RNF43: variants seen among roughly 807,000 people sequenced by gnomAD.
RNF43 encodes the protein ring finger protein 43.
A neutral mutation model predicts 78.4 loss-of-function variants in RNF43; 37 were observed. The ratio of observed to expected loss-of-function variants is 0.47; its 90% confidence interval spans 0.36 to 0.62. The LOEUF is 0.62. Among genes scored for constraint, RNF43 ranks in the 20% least tolerant of loss-of-function variants. The pLI, the probability that RNF43 is intolerant of heterozygous loss-of-function variation, is 0.00. For missense variants in RNF43, 774 were observed against 1,007.9 expected (o/e 0.77, Z 3.14); for synonymous variants, 347 against 395.0 (o/e 0.88, Z 1.44).
At chr17:58,402,032 C>G (rs943280823) in intron 2 of RNF43, among the ~76,000 whole-genome samples, 1 of 152,152 alleles carries the variant, frequency 6.6e-6, no homozygotes, top group South Asian at 2.1e-4. Flanking sequence ...TAAAAAACTA[C>G]AGCATGTTTG....
In RNF43 at chr17:58,358,387, G is replaced by A. The variant is rs2143413905; in HGVS notation, c.1389C>T (p.Ala463=). 1 of 1,614,136 alleles carries A rather than the reference G, an allele frequency of 6.2e-7. No individual in the cohort carries two copies. Among genetic ancestry groups the A allele is most frequent in the South Asian group, 1.1e-5 (1 of 91,090 alleles). The part of the protein sequence containing the change: ...ERSGYLADGP[A]SDSSSGPCHG... ...GACAGGGCCCTGAGCTGGAGTCACT[G>A]GCTGGCCCATCTGCCAGGTACCCAC... is the stretch of plus-strand genomic sequence containing the variant. Residue 463 remains alanine, a synonymous_variant, in exon 9 of 10, where the codon GCC becomes GCT. Coordinates refer to ENST00000407977, the MANE Select transcript of RNF43 (RefSeq NM_017763.6). The surrounding 1 kb of genome is among the most constrained non-coding windows in gnomAD (Gnocchi z 6.2).
At chr17:58,353,478 C>G (rs1280517783), downstream of RNF43, 68 of 200,718 alleles carry the variant, frequency 3.4e-4, 1 homozygote, top group Admixed American at 4.1e-3. Flanking sequence ...TTCTCCTTCC[C>G]TGATCTCACT....
In RNF43 at chr17:58,415,439, T is replaced by C. The variant is rs3744093; in HGVS notation, c.139A>G (p.Ile47Val). 0.39 allele frequency: 623,017 copies of C among 1,613,924 alleles called. 123,253 individuals carry two copies. Among genetic ancestry groups the C allele is most frequent in the Admixed American group, 0.53 (31,923 of 60,004 alleles). Residue 47 changes from isoleucine to valine, a missense_variant, in exon 2 of 10, where the codon ATT becomes GTT. Transcript: ENST00000407977. ...ESERSAEQKA[I>V]IRVIPLKMDP... is the part of the protein sequence containing the mutation. The stretch of plus-strand genomic sequence containing the variant: ...ATTTTCAAGGGGATCACTCTGATAA[T>C]AGCTTTCTGTTCTGCTGATCTTTCA...
At chr17:58,412,290 T>C (rs552920959) in intron 2 of RNF43, among the ~76,000 whole-genome samples, 23 of 152,220 alleles carry the variant, frequency 1.5e-4, no homozygotes, top group African/African-American at 4.8e-4. Flanking sequence ...GAAGCAACTC[T>C]TGGGGAAAAT....
At chr17:58,389,248 G>A (rs1302537965) in intron 2 of RNF43, among the ~76,000 whole-genome samples, 1 of 152,146 alleles carries the variant, frequency 6.6e-6, no homozygotes, top group Non-Finnish European at 1.5e-5. Flanking sequence ...AGTGTTGAAA[G>A]TACTTGACAG....
rs1271568451 is a variant in RNF43 at position 58,357,260 on chromosome 17, A to G, written c.2308+208T>C. 5.4e-6 allele frequency: 4 copies of G among 746,112 alleles called. No homozygotes were observed. The highest frequency in any genetic ancestry group is 9.4e-6 in the Non-Finnish European group (4 of 424,102). 46.2% of individuals were successfully genotyped at this position (746,112 alleles called of 1,614,324 possible). A position where few individuals can be genotyped will look rare whatever the true frequency, so the allele number is the denominator to read the frequency against. ...CCTGGGACCTCCCTGTGATCTGCCAACTAAAGGGGTAGCACCTGGCAGAGG... is the reference window on the plus strand; with the variant it reads ...CCTGGGACCTCCCTGTGATCTGCCAGCTAAAGGGGTAGCACCTGGCAGAGG... On this transcript the variant is annotated intron_variant, in intron 9 of 9. Transcript: ENST00000407977. This position sits in a 1 kb window ranked among gnomAD's most constrained non-coding sequence, Gnocchi z 4.5.
chr17:58,395,902 A>G (rs950036083), intron 2 of RNF43, among the ~76,000 whole-genome samples: 1 of 152,166 alleles, frequency 6.6e-6, no homozygotes, highest in Non-Finnish European at 1.5e-5. Flanking sequence ...TGTCTCTAAA[A>G]TCTAAGCCTT....
chr17:58,388,990 A>G lies in RNF43; in HGVS notation c.253-17957T>C, dbSNP rs28360909. On this transcript the variant is annotated intron_variant, in intron 2 of 9. Coordinates refer to ENST00000407977, the MANE Select transcript of RNF43 (RefSeq NM_017763.6). ...ACAAAGGCTACTGCATGCCAAGATG[A>G]GAGTTAGAGCTTGCTCTCATATGCA... Among the ~76,000 whole-genome samples the G allele has an allele frequency of 1.2e-3, 187 of 152,338 alleles. 1 individual carries two copies. The highest frequency in any genetic ancestry group is 4.4e-3 in the African/African-American group (185 of 41,578).
At chr17:58,367,341 C>T (rs955602824) in intron 3 of RNF43, among the ~76,000 whole-genome samples, 1 of 152,058 alleles carries the variant, frequency 6.6e-6, no homozygotes, top group African/African-American at 2.4e-5. Context: ...GTGTTTCCGA[C>T]ATGTGATTTC....
intron 8 of RNF43, among the ~76,000 whole-genome samples, chr17:58,359,643 C>G (rs1972786242): frequency 1.4e-5 from 2 of 146,918 alleles, no homozygotes; most frequent in African/African-American, 5.0e-5. Context: ...AAGATATCTA[C>G]ATGCCAGGCA....
intron 2 of RNF43, among the ~76,000 whole-genome samples, chr17:58,381,786 ACT>A (rs1284697449): frequency 1.3e-5 from 2 of 152,222 alleles, no homozygotes; most frequent in Non-Finnish European, 2.9e-5. Flanking sequence ...GCAGAAAAAC[ACT>A]GTCTTAGCTC....
At chr17:58,394,051 G>A (rs116035062) in intron 2 of RNF43, among the ~76,000 whole-genome samples, 8 of 152,280 alleles carry the variant, frequency 5.3e-5, no homozygotes, top group African/African-American at 9.6e-5. Context: ...GCGAAACTCC[G>A]TCTCCAAAAG....
At chr17:58,404,446 T>C (rs1001409892) in intron 2 of RNF43, among the ~76,000 whole-genome samples, 2 of 152,228 alleles carry the variant, frequency 1.3e-5, no homozygotes, top group African/African-American at 4.8e-5. Flanking sequence ...GGACTTTTCA[T>C]ATACCCCAAG....
intron 5 of RNF43, 159 bp downstream of exon 5, chr17:58,363,116 G>T: frequency 1.2e-6 from 1 of 863,708 alleles, no homozygotes; most frequent in Non-Finnish European, 1.8e-6. Context: ...AAAGACGGGG[G>T]AAAACTTGCC....
chr17:58,352,552 GTT>G, downstream of RNF43: 1 of 218,046 alleles, frequency 4.6e-6, no homozygotes, highest in Non-Finnish European at 9.2e-6. Context: ...CCCGAAGTTT[GTT>G]TTTTTTTGTT....
intron 2 of RNF43, among the ~76,000 whole-genome samples, chr17:58,397,406 A>G (rs951310845): frequency 6.6e-6 from 1 of 152,244 alleles, no homozygotes; most frequent in Non-Finnish European, 1.5e-5. Context: ...CATGCCTGTA[A>G]TCCCAGCACT....
At chr17:58,411,048 T>C (rs760898846) in intron 2 of RNF43, among the ~76,000 whole-genome samples, 2 of 152,204 alleles carry the variant, frequency 1.3e-5, no homozygotes, top group Non-Finnish European at 2.9e-5. Flanking sequence ...GATATTAACA[T>C]TTTAATCCTC....
intron 2 of RNF43, among the ~76,000 whole-genome samples, chr17:58,405,749 A>AGAAAGAAAGAAG (rs1973897789): frequency 6.6e-6 from 1 of 151,922 alleles, no homozygotes; most frequent in African/African-American, 2.4e-5. Context: ...AAAGAAAGAA[A>AGAAAGAAAGAAG]GAAAGAAAGA....
intron 2 of RNF43, among the ~76,000 whole-genome samples, chr17:58,387,448 C>T (rs1449291085): frequency 3.3e-5 from 5 of 152,026 alleles, no homozygotes; most frequent in Admixed American, 6.6e-5. Context: ...GTCAGAAGTT[C>T]GAGACCAGCC....
Sources: allele counts gnomAD v4.1 joint callset (sites outside exome capture counted in the v4.1 genomes callset), GRCh38; gene constraint gnomAD v4.1.1; non-coding constraint Gnocchi (gnomAD v3.1); transcripts MANE v1.5; gene names NCBI Gene and HGNC (gene_info 2026-07-23, HGNC 2026-07-21).